TSGA10: variants seen among roughly 807,000 people sequenced by gnomAD.
TSGA10 encodes the protein testis-specific gene 10 protein.
TSGA10 carries 43 observed loss-of-function variants against 96.6 expected under a neutral mutation model. The ratio of observed to expected loss-of-function variants is 0.44; its 90% CI spans 0.35 to 0.57. The LOEUF is 0.57. Ranked by LOEUF, TSGA10 falls within the 20% of genes least tolerant of loss-of-function variation. The pLI is 0.01. For missense variants in TSGA10, 703 were observed against 834.4 expected (o/e 0.84, Z 1.94); for synonymous variants, 229 against 269.9 (o/e 0.85, Z 1.48).
intron 17 of TSGA10, among the ~76,000 whole-genome samples, chr2:99,033,216 G>A (rs560190541): frequency 2.6e-4 from 40 of 152,278 alleles, no homozygotes; most frequent in African/African-American, 8.7e-4. Flanking sequence ...ACTTAACAAC[G>A]TTTTGCAGGA....
intron 14 of TSGA10, 26 bp from the exon 15 acceptor site, chr2:99,069,024 G>C: frequency 7.9e-7 from 1 of 1,265,306 alleles, no homozygotes. Context: ...AGGTATATTT[G>C]ACTATGAAAA....
At chr2:99,098,680 T>C (rs1057368886) in intron 10 of TSGA10, among the ~76,000 whole-genome samples, 5 of 151,840 alleles carry the variant, frequency 3.3e-5, no homozygotes, top group African/African-American at 4.8e-5. Flanking sequence ...AACTGCAGAA[T>C]AGAAAAACAG....
In TSGA10 at chr2:99,118,541, A is replaced by C. The variant is rs1243848650; in HGVS notation, c.-356+10T>G. ...TTTAAAAAGTCCTTTTGAAAGTATC[A>C]GTAACTTACTTGACTAAGCTAAATA... On this transcript the variant is annotated intron_variant, in intron 3 of 20. Transcript: ENST00000393483. The C allele has an allele frequency of 1.0e-6, 1 of 978,330 alleles. No homozygotes were observed. The highest frequency in any genetic ancestry group is 1.2e-6 in the Non-Finnish European group (1 of 823,788). 60.6% of individuals were successfully genotyped at this position (978,330 alleles called of 1,614,324 possible).
intron 9 of TSGA10, 47 bp downstream of exon 9, chr2:99,105,312 T>G: frequency 6.8e-7 from 1 of 1,481,038 alleles, no homozygotes; most frequent in Non-Finnish European, 9.2e-7. Flanking sequence ...GGGAAAGCCA[T>G]TGAGTGTTTA....
At chr2:99,089,536 G>A (rs141735089) in intron 10 of TSGA10, among the ~76,000 whole-genome samples, 3,079 of 152,272 alleles carry the variant, frequency 0.02, 103 homozygotes, top group African/African-American at 0.07. Context: ...CTTGCCCACT[G>A]CCTGGAAACA....
chr2:99,128,293 C>G (rs1341466182), intron 1 of TSGA10, among the ~76,000 whole-genome samples: 5 of 152,180 alleles, frequency 3.3e-5, no homozygotes, highest in African/African-American at 9.7e-5. Flanking sequence ...TACTGCCCCA[C>G]CTGGAACCTC....
intron 2 of TSGA10, chr2:99,125,888 T>C (rs1415265512): frequency 6.6e-6 from 1 of 152,230 alleles, no homozygotes; most frequent in East Asian, 1.9e-4. Context: ...ACTGACACCA[T>C]GGATGGGTGG....
chr2:99,095,312 C>T (rs986016086), intron 10 of TSGA10, among the ~76,000 whole-genome samples: 1 of 151,780 alleles, frequency 6.6e-6, no homozygotes, highest in Non-Finnish European at 1.5e-5. Flanking sequence ...ACTGCTCGGG[C>T]TATGGGTGCA....
intron 15 of TSGA10, among the ~76,000 whole-genome samples, chr2:99,066,663 A>G (rs1013738820): frequency 6.6e-6 from 1 of 152,130 alleles, no homozygotes; most frequent in Non-Finnish European, 1.5e-5. Context: ...CTTCTTGGCA[A>G]GCAGAAAGCA....
At chr2:99,072,910 A>G (rs962198406) in intron 13 of TSGA10, 108 bp downstream of exon 13, 1 of 724,660 alleles carries the variant, frequency 1.4e-6, no homozygotes, top group African/African-American at 1.8e-5. Flanking sequence ...TGAGAGAGTT[A>G]GCACCTTACA....
chr2:99,015,400 T>C (rs1008538642), intron 20 of TSGA10, among the ~76,000 whole-genome samples: 1 of 152,172 alleles, frequency 6.6e-6, no homozygotes, highest in East Asian at 1.9e-4. Flanking sequence ...CATGTGATCA[T>C]CTTAATAGAT....
At chr2:98,999,924 G>T (rs998041718) in intron 20 of TSGA10, among the ~76,000 whole-genome samples, 4 of 152,030 alleles carry the variant, frequency 2.6e-5, no homozygotes, top group Admixed American at 1.3e-4. Context: ...AATTTTTTTT[G>T]TGTGTGTATT....
chr2:99,144,678 G>C (rs916538287), intron 1 of TSGA10, among the ~76,000 whole-genome samples: 1 of 78,808 alleles, frequency 1.3e-5, no homozygotes, highest in Non-Finnish European at 3.2e-5. Flanking sequence ...AAAAGATGCT[G>C]AAAGCATGAG....
intron 12 of TSGA10, among the ~76,000 whole-genome samples, chr2:99,074,951 C>G (rs1171104608): frequency 6.8e-6 from 1 of 146,806 alleles, no homozygotes; most frequent in Admixed American, 6.8e-5. Context: ...GAGACTCCGT[C>G]TCAAAAAAAA....
At chr2:99,152,333 C>T (rs2093701382) in intron 1 of TSGA10, among the ~76,000 whole-genome samples, 1 of 152,192 alleles carries the variant, frequency 6.6e-6, no homozygotes, top group African/African-American at 2.4e-5. Context: ...GTTGCCCAGG[C>T]TGGAGTGCAG....
At chr2:99,100,373 A>G (rs2104766698) in intron 10 of TSGA10, among the ~76,000 whole-genome samples, 1 of 152,350 alleles carries the variant, frequency 6.6e-6, no homozygotes, top group South Asian at 2.1e-4. Context: ...AGAAATAAAC[A>G]CATACATAGA....
At chr2:99,122,927 T>C (rs1469201654) in intron 2 of TSGA10, among the ~76,000 whole-genome samples, 5 of 152,212 alleles carry the variant, frequency 3.3e-5, no homozygotes, top group Non-Finnish European at 7.3e-5. Context: ...CTTTTAGCTA[T>C]TCTTTTAGGG....
At chr2:99,005,549 C>T (rs1044081847) in intron 20 of TSGA10, among the ~76,000 whole-genome samples, 3 of 152,090 alleles carry the variant, frequency 2.0e-5, no homozygotes, top group Non-Finnish European at 4.4e-5. Context: ...ACAACTGCTT[C>T]AAAGAGAATA....
intron 16 of TSGA10, among the ~76,000 whole-genome samples, chr2:99,051,982 T>G (rs905446353): frequency 6.6e-6 from 1 of 151,820 alleles, no homozygotes; most frequent in African/African-American, 2.4e-5. Context: ...GCTAAAGCAG[T>G]GCTTAGAAGA....
Sources: allele counts gnomAD v4.1 joint callset (sites outside exome capture counted in the v4.1 genomes callset), GRCh38; gene constraint gnomAD v4.1.1; transcripts MANE v1.5; gene names NCBI Gene and HGNC (gene_info 2026-07-23, HGNC 2026-07-21).